GRIK2: variants seen among roughly 807,000 people sequenced by gnomAD.
GRIK2 encodes the protein glutamate receptor ionotropic, kainate 2.
GRIK2 carries 32 observed loss-of-function variants against 100.3 expected under a neutral mutation model. The observed-to-expected ratio is 0.32, with a 90% CI of 0.24 to 0.43. The LOEUF (loss-of-function observed/expected upper bound fraction) is 0.43, where lower values mean the gene tolerates loss of function less well. GRIK2 is among the 20% of genes least tolerant of loss of function. The probability of loss-of-function intolerance (pLI) is 1.00; values close to 1 mark genes in which losing one functional copy is unlikely to be tolerated. For synonymous variants in GRIK2, 417 were observed against 389.4 expected, an observed-to-expected ratio of 1.07 and a Z score of -0.83; for missense variants, 843 against 1,114.9, an observed-to-expected ratio of 0.76 and a Z score of 3.47.
intron 7 of GRIK2, among the ~76,000 whole-genome samples, chr6:101,786,378 G>C (rs1195748759): frequency 6.6e-6 from 1 of 151,910 alleles, no homozygotes; most frequent in Non-Finnish European, 1.5e-5. Flanking sequence ...TCTGGTTCAA[G>C]TTTTTAGAGG....
chr6:101,960,205 A>G (rs1653142095), intron 14 of GRIK2, among the ~76,000 whole-genome samples: 1 of 146,702 alleles, frequency 6.8e-6, no homozygotes, highest in Admixed American at 6.6e-5. Flanking sequence ...TGTTTTTTTA[A>G]AAATTATCTG....
intron 2 of GRIK2, among the ~76,000 whole-genome samples, chr6:101,497,240 G>A (rs1773494531): frequency 6.6e-6 from 1 of 151,800 alleles, no homozygotes. Context: ...TTGGAATTCT[G>A]TACTCACCCT....
At chr6:101,708,814 A>C (rs1773511963) in intron 7 of GRIK2, among the ~76,000 whole-genome samples, 2 of 151,754 alleles carry the variant, frequency 1.3e-5, no homozygotes, top group South Asian at 4.1e-4. Context: ...CCTCTGCTAT[A>C]GGTTGAATTA....
chr6:101,873,459 T>G (rs1489894599), intron 11 of GRIK2, among the ~76,000 whole-genome samples: 4 of 151,950 alleles, frequency 2.6e-5, no homozygotes, highest in Non-Finnish European at 5.9e-5. Flanking sequence ...TATTCCATGG[T>G]GTATATGTGC....
intron 7 of GRIK2, among the ~76,000 whole-genome samples, chr6:101,785,156 TTA>T (rs199637446): frequency 2.7e-5 from 4 of 147,184 alleles, no homozygotes; most frequent in South Asian, 4.8e-4. Flanking sequence ...TTTTATTTAT[TTA>T]TTTTTTTTAC....
intron 2 of GRIK2, among the ~76,000 whole-genome samples, chr6:101,482,293 A>G (rs1346291300): frequency 6.6e-6 from 1 of 152,194 alleles, no homozygotes; most frequent in Non-Finnish European, 1.5e-5. Flanking sequence ...AAAATGAGTC[A>G]TGTTCCCTCT....
chr6:101,745,544 T>G (rs924784444), intron 7 of GRIK2, among the ~76,000 whole-genome samples: 2 of 152,194 alleles, frequency 1.3e-5, no homozygotes, highest in African/African-American at 4.8e-5. Context: ...TTGAGAAACG[T>G]TTTATGTATG....
Position 101,859,448 on chromosome 6 carries a change from T to C in GRIK2, c.1479T>C (p.Asp493=), listed in dbSNP as rs112218065. ...VEDGKYGAQD[D]ANGQWNGMVR... is the part of the protein sequence containing the mutation. ...ATGGGAAATATGGAGCCCAGGATGA[T>C]GCCAATGGACAATGGAATGGAATGG... The change falls in exon 11 of 17, where the codon GAT becomes GAC. Residue 493 remains aspartate, a synonymous_variant. Transcript: ENST00000369134. 5 of 1,609,980 alleles carry C rather than the reference T, an allele frequency of 3.1e-6. No homozygotes were observed. Among genetic ancestry groups the C allele is most frequent in the Non-Finnish European group, 3.4e-6 (4 of 1,176,788 alleles).
intron 6 of GRIK2, among the ~76,000 whole-genome samples, chr6:101,684,807 C>G (rs1399636229): frequency 1.3e-5 from 2 of 149,978 alleles, no homozygotes; most frequent in African/African-American, 2.5e-5. Context: ...GATCTAATGG[C>G]AATAAATCCA....
At position 101,892,371 on chromosome 6, in the gene GRIK2, C is replaced by T. The variant is rs148507931; in HGVS notation, c.1748+2508C>T. Among the ~76,000 whole-genome samples the T allele has an allele frequency of 2.4e-3, 370 of 152,190 alleles. 2 individuals are homozygous for T. The highest frequency in any genetic ancestry group is 8.0e-3 in the African/African-American group (332 of 41,542). On this transcript the variant is annotated intron_variant, in intron 12 of 16. Transcript: ENST00000369134. Reference sequence around the variant, plus strand: ...ATAGAGGCATATGGATGGATATGCACTTATCTAACTTTTCAAAATATTTCT... The same window carrying T: ...ATAGAGGCATATGGATGGATATGCATTTATCTAACTTTTCAAAATATTTCT...
At chr6:102,038,654 AC>A (rs1477397723) in intron 15 of GRIK2, among the ~76,000 whole-genome samples, 34 of 137,900 alleles carry the variant, frequency 2.5e-4, no homozygotes, top group African/African-American at 8.2e-4. Context: ...ATTATAAACA[AC>A]AACAAAAAAA....
At chr6:101,822,635 G>T (rs1249460816) in intron 10 of GRIK2, among the ~76,000 whole-genome samples, 1 of 152,104 alleles carries the variant, frequency 6.6e-6, no homozygotes, top group Non-Finnish European at 1.5e-5. Context: ...CTGTGTCCCA[G>T]ACATAGTTTG....
intron 9 of GRIK2, among the ~76,000 whole-genome samples, chr6:101,808,683 T>A (rs1391603117): frequency 6.6e-6 from 1 of 151,956 alleles, no homozygotes; most frequent in Non-Finnish European, 1.5e-5. Context: ...AGAATAGAAT[T>A]CCCTATCTCC....
intron 11 of GRIK2, among the ~76,000 whole-genome samples, chr6:101,881,122 A>T (rs1786211713): frequency 6.6e-6 from 1 of 151,882 alleles, no homozygotes; most frequent in Non-Finnish European, 1.5e-5. Context: ...ACCATAAAAA[A>T]TTTTGTGGAC....
chr6:101,564,784 C>G (rs1240345612), intron 2 of GRIK2, among the ~76,000 whole-genome samples: 1 of 152,112 alleles, frequency 6.6e-6, no homozygotes, highest in Non-Finnish European at 1.5e-5. Flanking sequence ...ATGTGATCCT[C>G]TTGGTGCAAA....
At chr6:101,855,424 G>A (rs187796525) in intron 10 of GRIK2, among the ~76,000 whole-genome samples, 62 of 152,284 alleles carry the variant, frequency 4.1e-4, no homozygotes, top group Non-Finnish European at 7.5e-4. Context: ...AGAGGAAAGA[G>A]GTAACATATA....
intron 2 of GRIK2, among the ~76,000 whole-genome samples, chr6:101,463,249 TA>T (rs1364946730): frequency 6.6e-6 from 1 of 152,124 alleles, no homozygotes; most frequent in Non-Finnish European, 1.5e-5. Flanking sequence ...AAGTATGAGT[TA>T]AAAAAAGAAA....
intron 15 of GRIK2, among the ~76,000 whole-genome samples, chr6:102,036,043 A>G (rs1416988898): frequency 1.3e-5 from 2 of 151,452 alleles, no homozygotes; most frequent in Non-Finnish European, 3.0e-5. Context: ...CTATTTACCA[A>G]TGACATATCT....
At chr6:101,694,179 A>G (rs1389042646) in intron 7 of GRIK2, among the ~76,000 whole-genome samples, 1 of 152,142 alleles carries the variant, frequency 6.6e-6, no homozygotes, top group African/African-American at 2.4e-5. Context: ...TGTGACCTTG[A>G]AAAACAAAAA....
Sources: allele counts gnomAD v4.1 joint callset (sites outside exome capture counted in the v4.1 genomes callset), GRCh38; gene constraint gnomAD v4.1.1; transcripts MANE v1.5; gene names NCBI Gene and HGNC (gene_info 2026-07-23, HGNC 2026-07-21).